Variants in PTPRD observed in about 807,000 individuals in gnomAD.
PTPRD encodes protein tyrosine phosphatase receptor type D.
A neutral mutation model predicts 214.5 loss-of-function variants in PTPRD; 34 were observed. The observed-to-expected ratio is 0.16, with a 90% CI of 0.12 to 0.21. The LOEUF (loss-of-function observed/expected upper bound fraction) is 0.21. Among genes scored for constraint, PTPRD ranks in the 10% least tolerant of loss-of-function variants. The pLI is 1.00. For synonymous variants in PTPRD, 1,128 were observed against 845.7 expected (o/e 1.33, Z -5.79); for missense variants, 2,545 against 2,398.7 (o/e 1.06, Z -1.27).
chr9:9,994,424 C>G lies in PTPRD; in HGVS notation c.-472+39294G>C, dbSNP rs75749402. On this transcript the variant is annotated intron_variant, in intron 4 of 45. Transcript: ENST00000381196. ...ATTTATGTTTATCTCTTCTCCCATA[C>G]TGTATATTAAAATTCAGAACTGACG... is the stretch of plus-strand genomic sequence containing the variant. 3.2e-3 allele frequency among the ~76,000 whole-genome samples: 480 copies of G among 152,250 alleles called. 2 individuals carry two copies. The highest frequency in any genetic ancestry group is 0.011 in the African/African-American group (455 of 41,548).
intron 3 of PTPRD, among the ~76,000 whole-genome samples, chr9:10,211,746 G>A (rs747806001): frequency 9.2e-5 from 14 of 152,110 alleles, no homozygotes; most frequent in Non-Finnish European, 1.9e-4. Flanking sequence ...GAGCTAAACA[G>A]TGTGCAAACA....
intron 2 of PTPRD, among the ~76,000 whole-genome samples, chr9:10,465,615 C>T (rs4740453): frequency 0.14 from 20,564 of 152,086 alleles, 2,084 homozygotes; most frequent in East Asian, 0.45. Context: ...AAAGCATCAC[C>T]TTTTCTGTGT....
At chr9:9,150,291 G>A (rs919894431) in intron 10 of PTPRD, among the ~76,000 whole-genome samples, 1 of 151,940 alleles carries the variant, frequency 6.6e-6, no homozygotes, top group Non-Finnish European at 1.5e-5. Flanking sequence ...CAATATAAAT[G>A]CAGCAAATAT....
At chr9:9,951,455 G>C (rs1319288217) in intron 4 of PTPRD, among the ~76,000 whole-genome samples, 2 of 152,154 alleles carry the variant, frequency 1.3e-5, no homozygotes, top group Non-Finnish European at 2.9e-5. Flanking sequence ...CAAAATTCAT[G>C]AGAAACTATG....
At chr9:9,466,134 C>G (rs1013714957) in intron 8 of PTPRD, among the ~76,000 whole-genome samples, 1 of 151,952 alleles carries the variant, frequency 6.6e-6, no homozygotes, top group Non-Finnish European at 1.5e-5. Flanking sequence ...ATGGCAAAAC[C>G]TCCTCTATAT....
At chr9:9,019,321 A>T (rs398677) in intron 10 of PTPRD, among the ~76,000 whole-genome samples, 1 of 87,606 alleles carries the variant, frequency 1.1e-5, no homozygotes, top group Non-Finnish European at 2.4e-5. Flanking sequence ...AGAAAGAAAG[A>T]AAGAAAGAAA....
intron 5 of PTPRD, among the ~76,000 whole-genome samples, chr9:9,824,809 C>T (rs1598857517): frequency 6.6e-6 from 1 of 152,060 alleles, no homozygotes; most frequent in African/African-American, 2.4e-5. Context: ...TAAAATCTTG[C>T]CTGGTAAGAC....
chr9:9,946,368 G>C (rs189101853), intron 4 of PTPRD, among the ~76,000 whole-genome samples: 21 of 152,232 alleles, frequency 1.4e-4, no homozygotes, highest in African/African-American at 4.8e-4. Context: ...ACTACATATG[G>C]CTGAAAACAT....
chr9:9,604,052 G>A (rs940242748), intron 7 of PTPRD, among the ~76,000 whole-genome samples: 33 of 151,884 alleles, frequency 2.2e-4, no homozygotes, highest in African/African-American at 8.0e-4. Flanking sequence ...TGTGGCATTA[G>A]TTTGATTAAT....
intron 11 of PTPRD, among the ~76,000 whole-genome samples, chr9:8,810,588 C>T (rs745667579): frequency 4.6e-5 from 7 of 152,104 alleles, no homozygotes; most frequent in Admixed American, 6.6e-5. Context: ...TTATCGAACA[C>T]GCTCTAAAGG....
At chr9:8,375,849 C>A in intron 39 of PTPRD, 87 bp downstream of exon 39, 1 of 1,449,560 alleles carries the variant, frequency 6.9e-7, no homozygotes, top group Non-Finnish European at 9.3e-7. Flanking sequence ...ATTTACTATT[C>A]CAGAATGTCA....
chr9:9,289,200 A>G (rs1950401367), intron 9 of PTPRD, among the ~76,000 whole-genome samples: 1 of 151,846 alleles, frequency 6.6e-6, no homozygotes, highest in Non-Finnish European at 1.5e-5. Context: ...TATTAATTAA[A>G]CTAACACCAT....
chr9:9,672,880 T>C (rs1274571544), intron 7 of PTPRD, among the ~76,000 whole-genome samples: 1 of 152,116 alleles, frequency 6.6e-6, no homozygotes, highest in Non-Finnish European at 1.5e-5. Context: ...TATATGTAGA[T>C]GGTAAAATGC....
chr9:9,307,178 C>CA (rs1450571514), intron 9 of PTPRD, among the ~76,000 whole-genome samples: 4 of 152,152 alleles, frequency 2.6e-5, no homozygotes, highest in African/African-American at 9.7e-5. Flanking sequence ...ATTGCAAACA[C>CA]ATGGCAGTTA....
chr9:9,306,993 A>T (rs1164744206), intron 9 of PTPRD, among the ~76,000 whole-genome samples: 1 of 152,206 alleles, frequency 6.6e-6, no homozygotes, highest in Non-Finnish European at 1.5e-5. Context: ...AGAAACAAAA[A>T]GTGCTGGTGA....
intron 9 of PTPRD, among the ~76,000 whole-genome samples, chr9:9,361,056 A>T (rs532059605): frequency 1.3e-3 from 198 of 151,312 alleles, no homozygotes; most frequent in African/African-American, 4.6e-3. Context: ...TATATTGCAT[A>T]TAAAGGGATA....
At chr9:9,939,219 G>A (rs957123767) in intron 4 of PTPRD, among the ~76,000 whole-genome samples, 3 of 152,102 alleles carry the variant, frequency 2.0e-5, no homozygotes, top group Admixed American at 6.6e-5. Context: ...TAGGCTTGAC[G>A]AAAACCATAG....
chr9:8,743,416 G>A lies in PTPRD; in HGVS notation c.-103-9470C>T, dbSNP rs527532642. Among the ~76,000 whole-genome samples the A allele has an allele frequency of 1.1e-4, 16 of 152,258 alleles. No homozygotes were observed. In the South Asian group the frequency reaches 3.3e-3, roughly 32 times the overall value. On this transcript the variant is annotated intron_variant, in intron 11 of 45. Transcript: ENST00000381196. Reference sequence around the variant, plus strand: ...ATGGTTCCCATGTCTCATGATGGGAGCTTAGCTCTTCTCTAAGGGAACAGT... The same window carrying A: ...ATGGTTCCCATGTCTCATGATGGGAACTTAGCTCTTCTCTAAGGGAACAGT...
chr9:8,398,645 T>G (rs1170099300), intron 36 of PTPRD, among the ~76,000 whole-genome samples: 2 of 152,172 alleles, frequency 1.3e-5, no homozygotes, highest in African/African-American at 4.8e-5. Flanking sequence ...ATTAGGATCC[T>G]TATAAAAAAG....
Sources: gnomAD v4.1 joint callset for allele counts (sites outside exome capture counted in the v4.1 genomes callset) on GRCh38, gnomAD v4.1.1 for gene constraint, MANE v1.5 for transcripts, NCBI Gene and HGNC (gene_info 2026-07-23, HGNC 2026-07-21) for gene names.